BNC2: variants seen among roughly 807,000 people sequenced by gnomAD.
The protein encoded by BNC2 is basonuclin zinc finger protein 2.
In BNC2, 20 loss-of-function variants were observed where a neutral mutation model predicts 76.3. The observed-to-expected ratio is 0.26, with a 90% confidence interval of 0.18 to 0.38. The LOEUF is 0.38. Among genes scored for constraint, BNC2 ranks in the 10% least tolerant of loss-of-function variants. BNC2 has a pLI of 1.00. For missense variants in BNC2, 1,382 were observed against 1,399.8 expected, an observed-to-expected ratio of 0.99 and a Z score of 0.20; for synonymous variants, 582 against 514.8, an observed-to-expected ratio of 1.13 and a Z score of -1.77.
At chr9:16,720,500 G>A (rs1054579037) in intron 3 of BNC2, among the ~76,000 whole-genome samples, 5 of 152,250 alleles carry the variant, frequency 3.3e-5, no homozygotes, top group Middle Eastern at 3.4e-3. Context: ...AAAGACAGTA[G>A]CGAAATAACA....
At chr9:16,497,282 T>C (rs1822410511) in intron 5 of BNC2, among the ~76,000 whole-genome samples, 1 of 152,260 alleles carries the variant, frequency 6.6e-6, no homozygotes, top group African/African-American at 2.4e-5. Context: ...CAGTATCTCA[T>C]TTATCCTAAA....
chr9:16,786,304 G>A (rs1183233200), intron 1 of BNC2, among the ~76,000 whole-genome samples: 1 of 152,108 alleles, frequency 6.6e-6, no homozygotes, highest in Non-Finnish European at 1.5e-5. Context: ...TAGAAAATGT[G>A]GAGAAAGACT....
intron 3 of BNC2, among the ~76,000 whole-genome samples, chr9:16,601,513 G>C (rs961461223): frequency 5.3e-5 from 8 of 152,168 alleles, no homozygotes; most frequent in Non-Finnish European, 1.5e-5. Context: ...GCAGTTTCCT[G>C]AGGAGGGCCT....
chr9:16,529,556 C>T (rs10962474), intron 5 of BNC2, among the ~76,000 whole-genome samples: 28,783 of 152,064 alleles, frequency 0.19, 5,116 homozygotes, highest in African/African-American at 0.45. Flanking sequence ...ATTTTGACAT[C>T]TTCCCAAATT....
chr9:16,830,787 A>G (rs1010782836), intron 1 of BNC2, among the ~76,000 whole-genome samples: 2 of 152,276 alleles, frequency 1.3e-5, no homozygotes, highest in Non-Finnish European at 2.9e-5. Flanking sequence ...ATTTGAGAGC[A>G]GGAAATGGAA....
intron 1 of BNC2, among the ~76,000 whole-genome samples, chr9:16,853,010 A>G (rs939635924): frequency 1.3e-5 from 2 of 152,208 alleles, no homozygotes; most frequent in African/African-American, 4.8e-5. Context: ...TGCAGGTATG[A>G]TAAGAAGTCA....
chr9:16,612,293 C>T (rs1820570453), intron 3 of BNC2, among the ~76,000 whole-genome samples: 1 of 152,102 alleles, frequency 6.6e-6, no homozygotes, highest in South Asian at 2.1e-4. Context: ...TGTTCATATT[C>T]ATTAGGCTGT....
At chr9:16,590,906 T>C (rs759970202) in intron 3 of BNC2, among the ~76,000 whole-genome samples, 5 of 152,292 alleles carry the variant, frequency 3.3e-5, no homozygotes, top group African/African-American at 9.6e-5. Flanking sequence ...AGGATTGCCA[T>C]AGAATACACT....
At position 16,412,741 on chromosome 9, in the gene BNC2, G is replaced by GAGAA. The variant is rs1820494643; in HGVS notation, c.*6247_*6248insTTCT. The GAGAA allele has an allele frequency of 1.7e-5, 2 of 121,086 alleles. No individual in the cohort carries two copies. The highest frequency in any genetic ancestry group is 5.2e-4 in the South Asian group (2 of 3,866). 7.5% of individuals were successfully genotyped at this position (121,086 alleles called of 1,614,324 possible). ...GAGGGGAGAGAGAGAGAGAGAGAGA[G>GAGAA]AGAGAGAGAGAGAGAGAGAGAGAGA... On this transcript the variant is annotated 3_prime_UTR_variant, in exon 7 of 7. Transcript: ENST00000380672.
intron 1 of BNC2, among the ~76,000 whole-genome samples, chr9:16,739,739 T>C (rs1824787118): frequency 6.6e-6 from 1 of 151,918 alleles, no homozygotes; most frequent in Admixed American, 6.5e-5. Context: ...AAGGACAAGA[T>C]ACAGAAGATA....
At chr9:16,543,312 T>C (rs146153953) in intron 5 of BNC2, among the ~76,000 whole-genome samples, 11 of 152,298 alleles carry the variant, frequency 7.2e-5, no homozygotes, top group African/African-American at 2.4e-4. Flanking sequence ...AGAGAGTTAA[T>C]TGGTGCTAGA....
intron 5 of BNC2, among the ~76,000 whole-genome samples, chr9:16,513,740 G>A (rs1049776353): frequency 2.0e-5 from 3 of 152,194 alleles, no homozygotes; most frequent in Non-Finnish European, 4.4e-5. Flanking sequence ...TAGTCGGGAA[G>A]GACCGTAGGT....
chr9:16,563,416 C>G (rs1020712562), intron 4 of BNC2, among the ~76,000 whole-genome samples: 2 of 151,502 alleles, frequency 1.3e-5, no homozygotes, highest in Non-Finnish European at 1.5e-5. Context: ...GCCAAGAGTT[C>G]GAGACCAGCC....
intron 5 of BNC2, among the ~76,000 whole-genome samples, chr9:16,438,205 C>T (rs1821058941): frequency 6.6e-6 from 1 of 151,910 alleles, no homozygotes; most frequent in Admixed American, 6.6e-5. Context: ...GGTAATTGTA[C>T]TTTTCCTGAA....
chr9:16,738,351 C>T lies in BNC2; in HGVS notation c.129+9G>A. Reference sequence around the variant, plus strand: ...GTAACTTAAAGGGGGAAAAAAAAAACCAACATACCTCAATTTGAGATGTAT... The same window carrying T: ...GTAACTTAAAGGGGGAAAAAAAAAATCAACATACCTCAATTTGAGATGTAT... On this transcript the variant is annotated intron_variant, in intron 2 of 6. Coordinates refer to ENST00000380672, the MANE Select transcript of BNC2 (RefSeq NM_017637.6). 1 of 1,612,534 alleles carries T rather than the reference C, an allele frequency of 6.2e-7. No homozygotes were observed. The highest frequency in any genetic ancestry group is 8.5e-7 in the Non-Finnish European group (1 of 1,179,216).
intron 3 of BNC2, among the ~76,000 whole-genome samples, chr9:16,643,209 G>A (rs1821536020): frequency 6.6e-6 from 1 of 151,678 alleles, no homozygotes. Flanking sequence ...GGGAGGCTGA[G>A]GCAGGAGAAT....
intron 1 of BNC2, among the ~76,000 whole-genome samples, chr9:16,751,698 A>ATATATATGTGTGTGTG (rs1563927032): frequency 5.7e-5 from 8 of 140,278 alleles, no homozygotes; most frequent in Non-Finnish European, 1.2e-4. Flanking sequence ...GTGTGTATAT[A>ATATATATGTGTGTGTG]TATATATATG....
At chr9:16,464,914 C>T (rs1480385864) in intron 5 of BNC2, among the ~76,000 whole-genome samples, 6 of 152,108 alleles carry the variant, frequency 3.9e-5, no homozygotes, top group Middle Eastern at 3.2e-3. Flanking sequence ...ATGCTTACAC[C>T]TAAATAAATT....
intron 5 of BNC2, among the ~76,000 whole-genome samples, chr9:16,439,789 T>C (rs1821089310): frequency 1.3e-5 from 2 of 152,264 alleles, no homozygotes; most frequent in Admixed American, 6.5e-5. Flanking sequence ...CCTACCATTT[T>C]ACATAAAGAA....
Sources: allele counts gnomAD v4.1 joint callset (sites outside exome capture counted in the v4.1 genomes callset), GRCh38; gene constraint gnomAD v4.1.1; transcripts MANE v1.5; gene names NCBI Gene and HGNC (gene_info 2026-07-23, HGNC 2026-07-21).